The following CSMD1 variants were observed in gnomAD, a reference collection of about 807,000 sequenced individuals.
CSMD1 encodes CUB and Sushi multiple domains 1.
CSMD1 carries 213 observed loss-of-function variants against 417.5 expected under a neutral mutation model. The ratio of observed to expected loss-of-function variants is 0.51; its 90% CI spans 0.46 to 0.57. The LOEUF is 0.57. Among genes scored for constraint, CSMD1 ranks in the 20% least tolerant of loss-of-function variants. CSMD1 has a pLI of 0.00. For synonymous variants in CSMD1, 2,862 were observed against 1,736.8 expected, an observed-to-expected ratio of 1.65 and a Z score of -16.11; for missense variants, 6,923 against 4,529.7, an observed-to-expected ratio of 1.53 and a Z score of -15.17.
chr8:4,784,496 C>G (rs1797304182), intron 1 of CSMD1, among the ~76,000 whole-genome samples: 1 of 152,118 alleles, frequency 6.6e-6, no homozygotes, highest in African/African-American at 2.4e-5. Flanking sequence ...TTACATAGAC[C>G]AAATATCTTC....
At position 3,439,147 on chromosome 8, in the gene CSMD1, AAAAAACC is replaced by A. The variant is rs1563390115; in HGVS notation, c.1562-29549_1562-29543del. Among the ~76,000 whole-genome samples, 74 of 129,204 alleles carry A rather than the reference AAAAAACC, an allele frequency of 5.7e-4. 7 individuals are homozygous for A. Among genetic ancestry groups the A allele is most frequent in the African/African-American group, 2.2e-3 (66 of 30,138 alleles). 84.8% of individuals were successfully genotyped at this position (129,204 alleles called of 152,430 possible). On this transcript the variant is annotated intron_variant, in intron 12 of 69. Transcript: ENST00000635120. ...CAAAAAAAAAAAAAAAAAAAAAAAAAAAAAACCAAGAAAAAAAAAAGAAAAAGAAAAA... is the reference window on the plus strand; with the variant it reads ...CAAAAAAAAAAAAAAAAAAAAAAAAAAAGAAAAAAAAAAGAAAAAGAAAAA...
chr8:3,497,953 G>T (rs193275151), intron 10 of CSMD1, among the ~76,000 whole-genome samples: 3 of 152,214 alleles, frequency 2.0e-5, no homozygotes, highest in African/African-American at 7.2e-5. Context: ...CAGATGAAGG[G>T]CTCCCATAAG....
chr8:4,453,423 A>G (rs1363395393), intron 2 of CSMD1, among the ~76,000 whole-genome samples: 2 of 152,184 alleles, frequency 1.3e-5, no homozygotes, highest in Non-Finnish European at 2.9e-5. Context: ...AAGACACTGG[A>G]CAGTTAGTCA....
intron 3 of CSMD1, among the ~76,000 whole-genome samples, chr8:4,238,157 G>T (rs147415662): frequency 6.6e-6 from 1 of 152,148 alleles, no homozygotes; most frequent in East Asian, 1.9e-4. Context: ...TCCAGTCCTG[G>T]AATCCCAAAG....
At chr8:4,172,006 C>G (rs1797789815) in intron 3 of CSMD1, among the ~76,000 whole-genome samples, 1 of 152,044 alleles carries the variant, frequency 6.6e-6, no homozygotes, top group Non-Finnish European at 1.5e-5. Flanking sequence ...TTAATACCAC[C>G]AAAGCAGCAC....
intron 1 of CSMD1, among the ~76,000 whole-genome samples, chr8:4,750,778 G>C (rs1403349265): frequency 1.3e-5 from 2 of 151,732 alleles, no homozygotes; most frequent in Admixed American, 6.6e-5. Flanking sequence ...AGTAGTATTA[G>C]CATAAAATGT....
intron 2 of CSMD1, among the ~76,000 whole-genome samples, chr8:4,486,725 G>A (rs1480835391): frequency 6.6e-6 from 1 of 150,646 alleles, no homozygotes; most frequent in African/African-American, 2.5e-5. Context: ...TACAAAGAGG[G>A]TTCCCCTTCA....
chr8:4,924,150 C>G (rs764276744), intron 1 of CSMD1, among the ~76,000 whole-genome samples: 1 of 152,124 alleles, frequency 6.6e-6, no homozygotes, highest in African/African-American at 2.4e-5. Context: ...CATCCAGACA[C>G]TCGATGTTGA....
intron 3 of CSMD1, among the ~76,000 whole-genome samples, chr8:4,065,890 T>G (rs1799220527): frequency 6.6e-6 from 1 of 152,192 alleles, no homozygotes; most frequent in Non-Finnish European, 1.5e-5. Context: ...TAAGAAAGAC[T>G]GCTCAAAGAA....
At chr8:4,175,675 A>T (rs901150013) in intron 3 of CSMD1, among the ~76,000 whole-genome samples, 1 of 152,182 alleles carries the variant, frequency 6.6e-6, no homozygotes, top group African/African-American at 2.4e-5. Flanking sequence ...TAAAGAAACT[A>T]CATATACATA....
intron 65 of CSMD1, among the ~76,000 whole-genome samples, chr8:2,952,393 G>A (rs560720626): frequency 6.6e-6 from 1 of 152,148 alleles, no homozygotes; most frequent in African/African-American, 2.4e-5. Context: ...GTTTTCCTAG[G>A]CAGGCTGAAC....
chr8:4,990,765 A>G (rs1248403351), intron 1 of CSMD1, among the ~76,000 whole-genome samples: 1 of 152,090 alleles, frequency 6.6e-6, no homozygotes, highest in Non-Finnish European at 1.5e-5. Flanking sequence ...CGGCTCTGCC[A>G]TAAAGGAGTC....
intron 1 of CSMD1, among the ~76,000 whole-genome samples, chr8:4,881,560 T>C (rs1437584095): frequency 1.3e-5 from 2 of 150,582 alleles, no homozygotes; most frequent in East Asian, 3.9e-4. Context: ...TTATCTCATT[T>C]ACGCCTCAAT....
intron 1 of CSMD1, among the ~76,000 whole-genome samples, chr8:4,800,508 T>A (rs1798223857): frequency 6.6e-6 from 1 of 151,680 alleles, no homozygotes; most frequent in African/African-American, 2.4e-5. Context: ...GGGAAATCAA[T>A]GCTGACACAA....
chr8:4,754,064 G>A (rs553956804), intron 1 of CSMD1, among the ~76,000 whole-genome samples: 4 of 152,134 alleles, frequency 2.6e-5, no homozygotes, highest in African/African-American at 9.7e-5. Context: ...AAAAATGTAT[G>A]CGTTGCTCAC....
chr8:3,736,349 C>T (rs150651484), intron 6 of CSMD1, among the ~76,000 whole-genome samples: 141 of 152,090 alleles, frequency 9.3e-4, no homozygotes, highest in African/African-American at 2.8e-3. Context: ...TCAGGTGATT[C>T]TCCTACCTCA....
Position 4,966,209 on chromosome 8 carries a change from C to CAAAAAAAAAAA in CSMD1, c.85+28112_85+28122dup, listed in dbSNP as rs33941630. Among the ~76,000 whole-genome samples the CAAAAAAAAAAA allele has an allele frequency of 4.0e-3, 359 of 89,080 alleles. 5 individuals carry two copies. Among genetic ancestry groups the CAAAAAAAAAAA allele is most frequent in the African/African-American group, 0.014 (335 of 24,424 alleles). The allele number at this position is 89,080 out of a possible 152,430, so 58.4% of individuals were successfully genotyped here. On this transcript the variant is annotated intron_variant, in intron 1 of 69. Coordinates refer to ENST00000635120, the MANE Select transcript of CSMD1 (RefSeq NM_033225.6). ...TGGAAGCCCGTCTCTACTAAATATA[C>CAAAAAAAAAAA]AAAAAAAAAAAAAAAAAAAATTAGC...
intron 3 of CSMD1, among the ~76,000 whole-genome samples, chr8:4,276,087 G>C (rs1052907030): frequency 2.0e-5 from 3 of 152,136 alleles, no homozygotes; most frequent in Admixed American, 1.3e-4. Context: ...TCTAGAACTT[G>C]AAATACCATT....
Position 3,971,900 on chromosome 8 carries a change from T to C in CSMD1, c.818+26003A>G, listed in dbSNP as rs192623346. Among the ~76,000 whole-genome samples, 515 of 152,292 alleles carry C rather than the reference T, an allele frequency of 3.4e-3. 5 individuals carry two copies. Among genetic ancestry groups the C allele is most frequent in the Non-Finnish European group, 3.7e-3 (255 of 68,024 alleles). On this transcript the variant is annotated intron_variant, in intron 5 of 69. Coordinates refer to ENST00000635120, the MANE Select transcript of CSMD1 (RefSeq NM_033225.6). ...TCTTTGTTGATTTTTTTGTTGACTT[T>C]TTTGTTCTTGTTTGTCTATTTTTTT...
Sources: gnomAD v4.1 joint callset for allele counts (sites outside exome capture counted in the v4.1 genomes callset) on GRCh38, gnomAD v4.1.1 for gene constraint, MANE v1.5 for transcripts, NCBI Gene and HGNC (gene_info 2026-07-23, HGNC 2026-07-21) for gene names.